The following NKAIN3 variants were observed in gnomAD, a reference collection of about 807,000 sequenced individuals.
NKAIN3 encodes the protein sodium/potassium-transporting ATPase subunit beta-1-interacting protein 3.
A neutral mutation model predicts 30.2 loss-of-function variants in NKAIN3; 25 were observed. The ratio of observed to expected loss-of-function variants is 0.83; its 90% CI spans 0.60 to 1.16. The LOEUF is 1.16. Among genes scored for constraint, NKAIN3 ranks in the 50% most tolerant of loss-of-function variants. NKAIN3 has a pLI of 0.00. For missense variants in NKAIN3, 225 were observed against 254.1 expected (o/e 0.89, Z 0.78); for synonymous variants, 91 against 89.6 (o/e 1.02, Z -0.09).
At chr8:62,790,985 G>A (rs1817687937) in intron 4 of NKAIN3, among the ~76,000 whole-genome samples, 1 of 152,070 alleles carries the variant, frequency 6.6e-6, no homozygotes, top group African/African-American at 2.4e-5. Flanking sequence ...CGTAGTAATT[G>A]TATTATTGTG....
chr8:62,599,434 G>A (rs1041918711), intron 3 of NKAIN3, among the ~76,000 whole-genome samples: 2 of 152,018 alleles, frequency 1.3e-5, no homozygotes, highest in African/African-American at 2.4e-5. Context: ...AACAATAATC[G>A]CACTGGGTTG....
chr8:62,560,531 CTTTTTTTTTTTTTT>C (rs869256384), intron 1 of NKAIN3, among the ~76,000 whole-genome samples: 2 of 45,362 alleles, frequency 4.4e-5, no homozygotes, highest in Admixed American at 8.4e-4. Context: ...TTTTTCTTTT[CTTTTTTTTTTTTTT>C]TTTTTTTTTT....
At chr8:62,279,788 A>T (rs1025014910) in intron 1 of NKAIN3, among the ~76,000 whole-genome samples, 1 of 152,168 alleles carries the variant, frequency 6.6e-6, no homozygotes, top group African/African-American at 2.4e-5. Flanking sequence ...CTTGTAGTAT[A>T]GTTTGAAGTC....
At chr8:62,617,962 A>G (rs146893795) in intron 3 of NKAIN3, among the ~76,000 whole-genome samples, 30 of 152,360 alleles carry the variant, frequency 2.0e-4, no homozygotes, top group East Asian at 9.7e-4. Context: ...AAGACTTAGC[A>G]TAGTAATTCT....
intron 4 of NKAIN3, among the ~76,000 whole-genome samples, chr8:62,866,196 T>C (rs2130794427): frequency 6.6e-6 from 1 of 152,316 alleles, no homozygotes; most frequent in Admixed American, 6.5e-5. Flanking sequence ...TCCACATAGA[T>C]TAAATTGGAA....
At chr8:62,869,761 CTGTTTTTGTTTT>C (rs1253671888) in intron 4 of NKAIN3, among the ~76,000 whole-genome samples, 1 of 151,326 alleles carries the variant, frequency 6.6e-6, no homozygotes, top group South Asian at 2.1e-4. Flanking sequence ...TTGTTTGTTT[CTGTTTTTGTTTT>C]TGTTTTTGTT....
At chr8:62,803,757 C>G (rs935173515) in intron 4 of NKAIN3, among the ~76,000 whole-genome samples, 4 of 152,108 alleles carry the variant, frequency 2.6e-5, no homozygotes, top group Non-Finnish European at 5.9e-5. Flanking sequence ...CAAGAAATAA[C>G]TAAAATCAGA....
At chr8:62,365,195 T>C (rs76821021) in intron 1 of NKAIN3, among the ~76,000 whole-genome samples, 20,851 of 152,178 alleles carry the variant, frequency 0.14, 1,728 homozygotes, top group East Asian at 0.4. Context: ...ATTATTAGTT[T>C]GATAAATTTC....
At chr8:62,383,081 T>C (rs1260687667) in intron 1 of NKAIN3, among the ~76,000 whole-genome samples, 1 of 152,056 alleles carries the variant, frequency 6.6e-6, no homozygotes, top group Non-Finnish European at 1.5e-5. Context: ...GACATTGTGT[T>C]TGGGGGGAAG....
chr8:62,996,278 A>G (rs540939409), intron 5 of NKAIN3, among the ~76,000 whole-genome samples: 1 of 152,300 alleles, frequency 6.6e-6, no homozygotes, highest in South Asian at 2.1e-4. Flanking sequence ...GGCAGGAGAG[A>G]GACAGAGTGC....
At chr8:62,437,698 A>G (rs571766566) in intron 1 of NKAIN3, among the ~76,000 whole-genome samples, 2 of 152,186 alleles carry the variant, frequency 1.3e-5, no homozygotes, top group Non-Finnish European at 2.9e-5. Context: ...AATAATTACC[A>G]CGGTGAGCAT....
chr8:62,780,859 ATCT>A (rs2130652480), intron 4 of NKAIN3, among the ~76,000 whole-genome samples: 1 of 152,138 alleles, frequency 6.6e-6, no homozygotes, highest in South Asian at 2.1e-4. Flanking sequence ...TCAAAAGCTC[ATCT>A]TCTAAGAACT....
At chr8:62,397,248 A>G (rs1056101874) in intron 1 of NKAIN3, among the ~76,000 whole-genome samples, 1 of 131,174 alleles carries the variant, frequency 7.6e-6, no homozygotes, top group Non-Finnish European at 1.8e-5. Context: ...TGTGCCTTTT[A>G]TTATCTTTTT....
chr8:62,271,650 G>T (rs888013315), intron 1 of NKAIN3, among the ~76,000 whole-genome samples: 47 of 152,190 alleles, frequency 3.1e-4, no homozygotes, highest in Admixed American at 2.9e-3. Context: ...GATATGAAGG[G>T]TCTCATTGGT....
At chr8:62,910,375 A>G (rs2130848731) in intron 4 of NKAIN3, among the ~76,000 whole-genome samples, 1 of 152,270 alleles carries the variant, frequency 6.6e-6, no homozygotes, top group East Asian at 1.9e-4. Flanking sequence ...AGCTTGCTTC[A>G]TGTCTCATCC....
chr8:62,895,504 G>A (rs1345855139), intron 4 of NKAIN3, among the ~76,000 whole-genome samples: 1 of 152,170 alleles, frequency 6.6e-6, no homozygotes, highest in Non-Finnish European at 1.5e-5. Context: ...AGGTAGTGTG[G>A]ATGAGGATTT....
intron 1 of NKAIN3, among the ~76,000 whole-genome samples, chr8:62,295,163 C>T (rs1813785860): frequency 6.6e-6 from 1 of 152,130 alleles, no homozygotes; most frequent in Non-Finnish European, 1.5e-5. Context: ...TGTACCTCAT[C>T]TCATTACCAA....
rs58918187 is a variant in NKAIN3 at position 62,578,426 on chromosome 8, G to A, written c.55-1113G>A. Among the ~76,000 whole-genome samples, 925 of 152,178 alleles carry A rather than the reference G, an allele frequency of 6.1e-3. 8 individuals are homozygous for A. Among genetic ancestry groups the A allele is most frequent in the African/African-American group, 0.021 (881 of 41,536 alleles). ...TCTAAAAGGATGCTATCTAATCCAA[G>A]ATAAATTTTCTTGTAGGTATATGAT... On this transcript the variant is annotated intron_variant, in intron 1 of 6. Coordinates refer to ENST00000623646, the MANE Select transcript of NKAIN3 (RefSeq NM_001304533.3).
At chr8:62,749,839 C>T (rs540119471) in intron 4 of NKAIN3, among the ~76,000 whole-genome samples, 5 of 151,742 alleles carry the variant, frequency 3.3e-5, no homozygotes, top group East Asian at 3.9e-4. Context: ...CACGCCGCCA[C>T]GTCCAGCTAA....
Sources: gnomAD v4.1 joint callset for allele counts (sites outside exome capture counted in the v4.1 genomes callset) on GRCh38, gnomAD v4.1.1 for gene constraint, MANE v1.5 for transcripts, NCBI Gene and HGNC (gene_info 2026-07-23, HGNC 2026-07-21) for gene names.